The following NSUN2 variants were observed in gnomAD, a reference collection of about 807,000 sequenced individuals.
NSUN2 encodes the protein RNA cytosine C(5)-methyltransferase NSUN2.
Under a neutral mutation model 92.7 loss-of-function variants are expected in NSUN2, and 63 were observed. The observed-to-expected ratio is 0.68, with a 90% confidence interval of 0.56 to 0.84. NSUN2 has a LOEUF of 0.84. Ranked by LOEUF, NSUN2 falls within the 40% of genes least tolerant of loss-of-function variation. The probability of loss-of-function intolerance (pLI) is 0.00; values close to 1 mark genes in which losing one functional copy is unlikely to be tolerated. For missense variants in NSUN2, 989 were observed against 964.9 expected (o/e 1.02, Z -0.33); for synonymous variants, 356 against 348.3 (o/e 1.02, Z -0.25).
chr5:6,604,717 G>C, intron 15 of NSUN2, 32 bp from the exon 16 acceptor site: 4 of 1,565,898 alleles, frequency 2.6e-6, no homozygotes, highest in Non-Finnish European at 3.5e-6. Context: ...GAAACACAGA[G>C]AGATGAAGAC....
At position 6,609,860 on chromosome 5, in the gene NSUN2, T is replaced by A; in HGVS notation, c.1289A>T (p.Lys430Ile). The change falls in exon 12 of 19, where the codon AAA becomes ATA. Residue 430 changes from lysine to isoleucine, a missense_variant. Around this residue, in one of 3 missense-constraint regions of NSUN2, gnomAD observed 626 missense variants for 602.3 expected, o/e 1.04. Transcript: ENST00000264670. ...GGFFVAVLVKKSSMPWNKRQP... is the reference protein window; with the variant it reads ...GGFFVAVLVKISSMPWNKRQP... ...ACGTTTATTCCACGGCATTGAAGAT[T>A]TTTTCACCAATACTGCCACAAAAAA... The A allele has an allele frequency of 6.2e-7, 1 of 1,613,956 alleles. No homozygotes were observed. The highest frequency in any genetic ancestry group is 8.5e-7 in the Non-Finnish European group (1 of 1,179,944).
At chr5:6,616,599 T>C (rs1177946145) in intron 9 of NSUN2, 128 bp downstream of exon 9, 17 of 487,148 alleles carry the variant, frequency 3.5e-5, no homozygotes, top group Admixed American at 7.3e-5. Context: ...AATGGGAATA[T>C]ACCTAACGGG....
In NSUN2 at chr5:6,611,720, G is replaced by C. The variant is rs760196564; in HGVS notation, c.1095+5C>G. 4 of 1,613,722 alleles carry C rather than the reference G, an allele frequency of 2.5e-6. No individual in the cohort carries two copies. The South Asian group carries it at 3.3e-5, about 13-fold the overall frequency. On this transcript the variant is annotated splice_donor_5th_base_variant and intron_variant, in intron 10 of 18. Transcript: ENST00000264670. Reference sequence around the variant, plus strand: ...TTAGAATGAAAGTTCTCGAGGAAAGGTTACCTTCCACTGTGTGATTCCAGG... The same window carrying C: ...TTAGAATGAAAGTTCTCGAGGAAAGCTTACCTTCCACTGTGTGATTCCAGG...
Position 6,632,643 on chromosome 5 carries a change from G to A in NSUN2, c.210C>T (p.Leu70=), listed in dbSNP as rs768607728. 6.2e-6 allele frequency: 10 copies of A among 1,614,046 alleles called. No individual in the cohort carries two copies. In the East Asian group the frequency reaches 1.8e-4, roughly 29 times the overall value. Residue 70 remains leucine (L), a synonymous_variant, in exon 2 of 19, where the codon CTC becomes CTT. Coordinates refer to ENST00000264670, the MANE Select transcript of NSUN2 (RefSeq NM_017755.6). Reference sequence around the variant, plus strand: ...TTAAAGTGGCCGGGAGCGGCTCCCTGAGAGCGTCCATGAACTGGCCCCACT... The same window carrying A: ...TTAAAGTGGCCGGGAGCGGCTCCCTAAGAGCGTCCATGAACTGGCCCCACT... ...EGEWGQFMDA[L]REPLPATLRI...
At chr5:6,609,687 C>T in intron 12 of NSUN2, 139 bp downstream of exon 12, 2 of 631,864 alleles carry the variant, frequency 3.2e-6, no homozygotes. Flanking sequence ...ATGAAATTCC[C>T]CCTCATTCAG....
At chr5:6,614,529 G>A (rs1442887217) in intron 9 of NSUN2, among the ~76,000 whole-genome samples, 2 of 152,194 alleles carry the variant, frequency 1.3e-5, no homozygotes, top group Non-Finnish European at 2.9e-5. Flanking sequence ...TGGGTTTTCA[G>A]GAGAATGATG....
At chr5:6,617,429 A>G (rs190017472) in intron 8 of NSUN2, among the ~76,000 whole-genome samples, 97 of 152,356 alleles carry the variant, frequency 6.4e-4, no homozygotes, top group Middle Eastern at 3.4e-3. Context: ...GTATTTGGAA[A>G]AAGTACTTAA....
intron 3 of NSUN2, among the ~76,000 whole-genome samples, chr5:6,630,049 C>A (rs1416483084): frequency 1.3e-5 from 2 of 152,198 alleles, no homozygotes; most frequent in East Asian, 3.8e-4. Flanking sequence ...ACAACACAAT[C>A]AGTGTCGTCA....
At chr5:6,601,778 T>G (rs941590833) in intron 18 of NSUN2, among the ~76,000 whole-genome samples, 2 of 152,132 alleles carry the variant, frequency 1.3e-5, no homozygotes, top group African/African-American at 4.8e-5. Flanking sequence ...CAGTCAGCCG[T>G]GGACCCCATT....
chr5:6,607,484 T>A, intron 12 of NSUN2, 100 bp from the exon 13 acceptor site: 1 of 1,018,554 alleles, frequency 9.8e-7, no homozygotes, highest in Non-Finnish European at 1.5e-6. Flanking sequence ...ATCAGTTATA[T>A]TTTTCTACAG....
At position 6,620,588 on chromosome 5, in the gene NSUN2, G is replaced by A. The variant is rs551133749; in HGVS notation, c.623-290C>T. The A allele has an allele frequency of 6.4e-4, 165 of 257,954 alleles. 1 individual carries two copies. Among genetic ancestry groups the A allele is most frequent in the South Asian group, 3.0e-3 (19 of 6,280 alleles). 16.0% of individuals were successfully genotyped at this position (257,954 alleles called of 1,614,324 possible). On this transcript the variant is annotated intron_variant, in intron 6 of 18. Transcript: ENST00000264670. ...AAATGTCTTTTCTGTTATTAGTAAC[G>A]ATTAACTACAAAAAAAAAAGATGAG...
At chr5:6,630,497 G>C (rs1308258032) in intron 3 of NSUN2, among the ~76,000 whole-genome samples, 1 of 152,034 alleles carries the variant, frequency 6.6e-6, no homozygotes, top group Non-Finnish European at 1.5e-5. Context: ...GTAGAGATAG[G>C]GTTTCACGAT....
chr5:6,628,670 T>G (rs1010904782), intron 3 of NSUN2, among the ~76,000 whole-genome samples: 1 of 152,248 alleles, frequency 6.6e-6, no homozygotes, highest in Non-Finnish European at 1.5e-5. Flanking sequence ...TCTGCTTTAC[T>G]TGCTTGCTGA....
chr5:6,613,324 T>C (rs1013984206), intron 9 of NSUN2, among the ~76,000 whole-genome samples: 5 of 152,188 alleles, frequency 3.3e-5, no homozygotes, highest in Non-Finnish European at 5.9e-5. Context: ...CAAAAAGCAA[T>C]GCAGTTACTT....
chr5:6,609,402 T>C (rs1736901120), intron 12 of NSUN2, among the ~76,000 whole-genome samples: 2 of 152,094 alleles, frequency 1.3e-5, no homozygotes. Flanking sequence ...GACAAGGCCG[T>C]CATCATTCCT....
intron 6 of NSUN2, 22 bp downstream of exon 6, chr5:6,621,994 T>C (rs768814019): frequency 3.1e-6 from 5 of 1,598,350 alleles, no homozygotes; most frequent in Non-Finnish European, 4.3e-6. Context: ...CCTACCATTT[T>C]GAACACAAGT....
chr5:6,626,427 T>C (rs1458447347), intron 3 of NSUN2, among the ~76,000 whole-genome samples: 1 of 151,870 alleles, frequency 6.6e-6, no homozygotes, highest in East Asian at 1.9e-4. Context: ...TGGAGTGTAG[T>C]GGTGTAATCT....
At chr5:6,600,747 C>G (rs1349121641) in intron 18 of NSUN2, among the ~76,000 whole-genome samples, 1 of 152,044 alleles carries the variant, frequency 6.6e-6, no homozygotes, top group Non-Finnish European at 1.5e-5. Flanking sequence ...GAACCCAGGA[C>G]CACTCATCCT....
intron 9 of NSUN2, among the ~76,000 whole-genome samples, chr5:6,615,469 A>T (rs1737175455): frequency 1.3e-5 from 2 of 152,222 alleles, no homozygotes; most frequent in Non-Finnish European, 2.9e-5. Context: ...TCCCCCTCAC[A>T]CACCTTTTGG....
Sources: gnomAD v4.1 joint callset for allele counts (sites outside exome capture counted in the v4.1 genomes callset) on GRCh38, gnomAD v4.1.1 for gene constraint, gnomAD v4.1.1 regional missense constraint, MANE v1.5 for transcripts, NCBI Gene and HGNC (gene_info 2026-07-23, HGNC 2026-07-21) for gene names.